Variants in FYB2 observed in about 807,000 individuals in gnomAD.
The protein encoded by FYB2 is FYN-binding protein 2.
FYB2 carries 103 observed loss-of-function variants against 94.1 expected under a neutral mutation model. The ratio of observed to expected loss-of-function variants is 1.09; its 90% confidence interval spans 0.93 to 1.29. FYB2 has a LOEUF of 1.29. Ranked by LOEUF, FYB2 falls within the 50% of genes most tolerant of loss-of-function variation. FYB2 has a pLI of 0.00. For synonymous variants in FYB2, 293 were observed against 287.9 expected, an observed-to-expected ratio of 1.02 and a Z score of -0.18; for missense variants, 896 against 841.5, an observed-to-expected ratio of 1.06 and a Z score of -0.80.
chr1:56,750,224 T>C (rs1645163492), intron 9 of FYB2, among the ~76,000 whole-genome samples: 1 of 152,092 alleles, frequency 6.6e-6, no homozygotes, highest in Non-Finnish European at 1.5e-5. Context: ...AGTTACTTAA[T>C]ATATGATCCA....
chr1:56,750,996 T>G, intron 9 of FYB2, 48 bp downstream of exon 9: 2 of 1,585,008 alleles, frequency 1.3e-6, no homozygotes, highest in South Asian at 2.3e-5. Context: ...TGCTCAGCTA[T>G]AAAACAAATT....
chr1:56,766,226 T>TA (rs1645619802), intron 5 of FYB2, among the ~76,000 whole-genome samples: 1 of 152,138 alleles, frequency 6.6e-6, no homozygotes, highest in South Asian at 2.1e-4. Context: ...GCATGACTTG[T>TA]ATGAACGCTA....
rs1376202785 is a variant in FYB2 at position 56,755,992 on chromosome 1, TAC to T, written c.1099-67_1099-66del. ...CCTGAATCAGGCTCTGTTGTTTGGTTACAGATCATTAGAGACTACACCAAAAG... is the reference window on the plus strand; with the variant it reads ...CCTGAATCAGGCTCTGTTGTTTGGTTAGATCATTAGAGACTACACCAAAAG... On this transcript the variant is annotated intron_variant, in intron 6 of 19. Coordinates refer to ENST00000343433, the MANE Select transcript of FYB2 (RefSeq NM_001004303.5). The T allele has an allele frequency of 2.7e-6, 4 of 1,492,162 alleles. No individual in the cohort carries two copies. The African/African-American group carries it at 5.6e-5, about 21-fold the overall frequency. The allele number at this position is 1,492,162 out of a possible 1,614,324, so 92.4% of individuals were successfully genotyped here. A position where few individuals can be genotyped will look rare whatever the true frequency, so the allele number is the denominator to read the frequency against.
chr1:56,742,553 C>CTAA (rs1257032324), intron 11 of FYB2, among the ~76,000 whole-genome samples: 1 of 152,094 alleles, frequency 6.6e-6, no homozygotes, highest in African/African-American at 2.4e-5. Flanking sequence ...TCAGAATTTA[C>CTAA]TAAGCATCAG....
chr1:56,765,175 T>A (rs945938845), intron 5 of FYB2, among the ~76,000 whole-genome samples: 2 of 152,060 alleles, frequency 1.3e-5, no homozygotes, highest in Non-Finnish European at 2.9e-5. Context: ...CTGGAAAGAG[T>A]AGGAGTGCCC....
chr1:56,766,566 T>G (rs1372575930), intron 5 of FYB2, among the ~76,000 whole-genome samples: 1 of 152,120 alleles, frequency 6.6e-6, no homozygotes, highest in Non-Finnish European at 1.5e-5. Flanking sequence ...CCCGAGTAGC[T>G]GGGACCACAG....
intron 4 of FYB2, among the ~76,000 whole-genome samples, chr1:56,770,651 G>A (rs1294320980): frequency 6.6e-6 from 1 of 152,050 alleles, no homozygotes; most frequent in East Asian, 1.9e-4. Context: ...TTCAATAAAA[G>A]TGAAAAAGGT....
chr1:56,780,347 C>T (rs1425984421), intron 4 of FYB2, among the ~76,000 whole-genome samples: 2 of 152,178 alleles, frequency 1.3e-5, no homozygotes, highest in East Asian at 3.9e-4. Flanking sequence ...AAATGAAATC[C>T]TAAGGCAGGC....
At chr1:56,720,644 C>A (rs772522136) in intron 17 of FYB2, 1 of 191,696 alleles carries the variant, frequency 5.2e-6, no homozygotes. Context: ...GGTACATGTG[C>A]AGGATGTGCA....
At chr1:56,771,862 C>A (rs550145263) in intron 4 of FYB2, among the ~76,000 whole-genome samples, 1 of 152,196 alleles carries the variant, frequency 6.6e-6, no homozygotes, top group East Asian at 1.9e-4. Context: ...TAATCATAAG[C>A]ACATTCCACC....
At chr1:56,727,343 G>A (rs61645156) in intron 15 of FYB2, among the ~76,000 whole-genome samples, 3 of 151,960 alleles carry the variant, frequency 2.0e-5, no homozygotes, top group South Asian at 2.1e-4. Context: ...CCCCTTCTAA[G>A]TATATCTTCT....
At position 56,792,269 on chromosome 1, in the gene FYB2, G is replaced by A; in HGVS notation, c.544C>T (p.Pro182Ser). The change falls in exon 2 of 20, where the codon CCC becomes TCC. Residue 182 changes from proline (P) to serine (S), a missense_variant. By Grantham distance (74) the Pro-to-Ser change is moderately conservative. Transcript: ENST00000343433. ...CCTTTTGTTTCCAGCTTTTTCCTGGGTTCCTCTGGAGTAAGCCCCATGCCT... is the reference window on the plus strand; with the variant it reads ...CCTTTTGTTTCCAGCTTTTTCCTGGATTCCTCTGGAGTAAGCCCCATGCCT... Reference protein sequence around the residue: ...QKGMGLTPEEPRKKLETKGAQ... With the variant: ...QKGMGLTPEESRKKLETKGAQ... 6.2e-7 allele frequency: 1 copy of A among 1,612,588 alleles called. No individual in the cohort carries two copies. Among genetic ancestry groups the A allele is most frequent in the Non-Finnish European group, 8.5e-7 (1 of 1,179,606 alleles).
chr1:56,810,026 G>A (rs1646730999), intron 1 of FYB2, among the ~76,000 whole-genome samples: 1 of 152,046 alleles, frequency 6.6e-6, no homozygotes, highest in African/African-American at 2.4e-5. Flanking sequence ...AGGAGAGAAA[G>A]AAGGAGGAGG....
intron 1 of FYB2, among the ~76,000 whole-genome samples, chr1:56,818,179 AG>A (rs1211631925): frequency 1.3e-5 from 2 of 152,034 alleles, no homozygotes; most frequent in Admixed American, 1.3e-4. Context: ...GGTATGGTCG[AG>A]GTGGGGGTGG....
chr1:56,773,125 G>T (rs1365731033), intron 4 of FYB2, among the ~76,000 whole-genome samples: 2 of 152,040 alleles, frequency 1.3e-5, no homozygotes, highest in South Asian at 4.2e-4. Flanking sequence ...AATTTTGTTT[G>T]GACTCCTGGA....
chr1:56,756,902 A>G (rs1206409181), intron 6 of FYB2, among the ~76,000 whole-genome samples: 1 of 152,160 alleles, frequency 6.6e-6, no homozygotes, highest in Admixed American at 6.5e-5. Flanking sequence ...GGAAAAGAAT[A>G]CAAAAAACTG....
At chr1:56,762,746 T>C (rs1645528666) in intron 5 of FYB2, among the ~76,000 whole-genome samples, 1 of 152,216 alleles carries the variant, frequency 6.6e-6, no homozygotes, top group South Asian at 2.1e-4. Context: ...CTTGCCTTAT[T>C]GCACTAGCTA....
At chr1:56,740,257 C>T (rs963997414) in intron 13 of FYB2, among the ~76,000 whole-genome samples, 1 of 152,030 alleles carries the variant, frequency 6.6e-6, no homozygotes, top group African/African-American at 2.4e-5. Flanking sequence ...AGCAGCTCAT[C>T]TCCCCCTTCC....
intron 16 of FYB2, among the ~76,000 whole-genome samples, chr1:56,726,120 T>C (rs1644578739): frequency 6.6e-6 from 1 of 151,426 alleles, no homozygotes; most frequent in Non-Finnish European, 1.5e-5. Flanking sequence ...ATACCTAACT[T>C]TTTTTTTCTC....
Sources: gnomAD v4.1 joint callset for allele counts (sites outside exome capture counted in the v4.1 genomes callset) on GRCh38, gnomAD v4.1.1 for gene constraint, MANE v1.5 for transcripts, NCBI Gene and HGNC (gene_info 2026-07-23, HGNC 2026-07-21) for gene names.